GFPT1: variants seen among roughly 807,000 people sequenced by gnomAD.
The protein encoded by GFPT1 is glutamine--fructose-6-phosphate transaminase 1, also known as glutamine--fructose-6-phosphate aminotransferase [isomerizing] 1.
Under a neutral mutation model 92.0 loss-of-function variants are expected in GFPT1, and 40 were observed. The ratio of observed to expected loss-of-function variants is 0.43; its 90% CI spans 0.34 to 0.57. GFPT1 has a LOEUF of 0.57. Among genes scored for constraint, GFPT1 ranks in the 20% least tolerant of loss-of-function variants. The pLI, the probability that GFPT1 is intolerant of heterozygous loss-of-function variation, is 0.02. For synonymous variants in GFPT1, 269 were observed against 280.6 expected (o/e 0.96, Z 0.41); for missense variants, 448 against 869.1 (o/e 0.52, Z 6.09).
chr2:69,359,130 C>G, intron 5 of GFPT1, 138 bp downstream of exon 5: 1 of 661,628 alleles, frequency 1.5e-6, no homozygotes, highest in Admixed American at 2.4e-5. Context: ...TCCAATAAAC[C>G]ACCGTGCCCT....
intron 4 of GFPT1, among the ~76,000 whole-genome samples, chr2:69,361,978 CTAAAA>C (rs1671483249): frequency 6.6e-6 from 1 of 151,726 alleles, no homozygotes; most frequent in Admixed American, 6.6e-5. Flanking sequence ...GACCCTGTCT[CTAAAA>C]TAAAAGGAAA....
At chr2:69,338,179 T>A in intron 14 of GFPT1, 124 bp from the exon 15 acceptor site, 1 of 908,602 alleles carries the variant, frequency 1.1e-6, no homozygotes, top group South Asian at 1.4e-5. Context: ...ATACAAAACA[T>A]CCACTTAATA....
intron 17 of GFPT1, among the ~76,000 whole-genome samples, chr2:69,328,700 C>CTTTT (rs780340372): frequency 5.2e-4 from 52 of 99,946 alleles, no homozygotes; most frequent in Non-Finnish European, 4.6e-4. Context: ...TCTGGTTAAC[C>CTTTT]CTTTTTTTTT....
chr2:69,337,347 G>T (rs546015302), intron 15 of GFPT1, among the ~76,000 whole-genome samples: 2 of 152,282 alleles, frequency 1.3e-5, no homozygotes, highest in South Asian at 4.2e-4. Flanking sequence ...TTACAGGCGT[G>T]AGCCACCATG....
chr2:69,373,999 A>T lies in GFPT1; in HGVS notation c.115+7T>A, dbSNP rs1230729946. The T allele has an allele frequency of 4.7e-6, 6 of 1,274,612 alleles. No individual in the cohort carries two copies. The highest frequency in any genetic ancestry group is 1.5e-5 in the African/African-American group (1 of 68,370). 79.0% of individuals were successfully genotyped at this position (1,274,612 alleles called of 1,614,324 possible). A position where few individuals can be genotyped will look rare whatever the true frequency, so the allele number is the denominator to read the frequency against. ...ATGCAAAATCCATAGTATTTTTTTT[A>T]AAGTACCAGCAGAATCATATCCTCT... On this transcript the variant is annotated splice_region_variant and intron_variant, in intron 2 of 19. Transcript: ENST00000357308.
chr2:69,383,475 C>A (rs1218412873), intron 1 of GFPT1, among the ~76,000 whole-genome samples: 1 of 152,104 alleles, frequency 6.6e-6, no homozygotes, highest in Non-Finnish European at 1.5e-5. Context: ...TCTCAGCATC[C>A]CTCAATTATC....
chr2:69,328,190 C>G lies in GFPT1; in HGVS notation c.1893+81G>C. The G allele has an allele frequency of 2.9e-6, 3 of 1,030,482 alleles. No homozygotes were observed. The Admixed American group carries it at 5.2e-5, about 18-fold the overall frequency. The allele number at this position is 1,030,482 out of a possible 1,614,324, so 63.8% of individuals were successfully genotyped here. A position where few individuals can be genotyped will look rare whatever the true frequency, so the allele number is the denominator to read the frequency against. Reference sequence around the variant, plus strand: ...AAGTAAATGAGTTAACACGTGTAAACATGTTTTGTAAGTCATTCAAATAAG... The same window carrying G: ...AAGTAAATGAGTTAACACGTGTAAAGATGTTTTGTAAGTCATTCAAATAAG... On this transcript the variant is annotated intron_variant, in intron 18 of 19. Transcript: ENST00000357308.
At chr2:69,380,921 T>C (rs1467046663) in intron 1 of GFPT1, among the ~76,000 whole-genome samples, 1 of 152,164 alleles carries the variant, frequency 6.6e-6, no homozygotes, top group Admixed American at 6.5e-5. Flanking sequence ...TACTCTCAAA[T>C]CCTCATTTTC....
At chr2:69,373,850 T>A (rs1447461404) in intron 2 of GFPT1, among the ~76,000 whole-genome samples, 156 bp downstream of exon 2, 1 of 152,172 alleles carries the variant, frequency 6.6e-6, no homozygotes, top group African/African-American at 2.4e-5. Flanking sequence ...TGAGATTACA[T>A]AAATAAATCC....
At position 69,323,391 on chromosome 2, in the gene GFPT1, G is replaced by A. The variant is rs554132224; in HGVS notation, c.*2798C>T. ...TTGGGCATGCTCACTTTAGTGGTGT[G>A]CCTCATTACAATGTCTCTTTTGTGT... On this transcript the variant is annotated 3_prime_UTR_variant, in exon 20 of 20. Transcript: ENST00000357308. 31 of 152,268 alleles carry A rather than the reference G, an allele frequency of 2.0e-4. No homozygotes were observed. Among genetic ancestry groups the A allele is most frequent in the African/African-American group, 7.2e-4 (30 of 41,540 alleles). The allele number at this position is 152,268 out of a possible 1,614,324, so 9.4% of individuals were successfully genotyped here.
intron 3 of GFPT1, among the ~76,000 whole-genome samples, chr2:69,366,375 C>T (rs1050543684): frequency 7.9e-5 from 12 of 152,242 alleles, no homozygotes; most frequent in Non-Finnish European, 1.3e-4. Context: ...GAATCCTTGA[C>T]GCTTCCTTAT....
chr2:69,346,100 T>C, intron 11 of GFPT1, 101 bp from the exon 12 acceptor site: 1 of 745,802 alleles, frequency 1.3e-6, no homozygotes, highest in Non-Finnish European at 2.4e-6. Context: ...GTAAATAAAA[T>C]ATAACAAAAG....
At chr2:69,331,434 C>T (rs1670661454) in intron 15 of GFPT1, among the ~76,000 whole-genome samples, 1 of 152,228 alleles carries the variant, frequency 6.6e-6, no homozygotes, top group East Asian at 1.9e-4. Context: ...ACTTTGAAGT[C>T]TGAAGTTTGC....
intron 11 of GFPT1, among the ~76,000 whole-genome samples, chr2:69,346,593 C>T (rs1388054131): frequency 6.6e-6 from 1 of 152,072 alleles, no homozygotes; most frequent in African/African-American, 2.4e-5. Context: ...TAGTTCTATC[C>T]TTTACTATCT....
intron 6 of GFPT1, 88 bp from the exon 7 acceptor site, chr2:69,356,645 T>A (rs1671345726): frequency 1.1e-6 from 1 of 927,158 alleles, no homozygotes; most frequent in Admixed American, 1.7e-5. Flanking sequence ...CGCAGAAATT[T>A]TTTGTTCACA....
chr2:69,336,378 A>C (rs896093955), intron 15 of GFPT1, among the ~76,000 whole-genome samples: 1 of 151,314 alleles, frequency 6.6e-6, no homozygotes, highest in Non-Finnish European at 1.5e-5. Context: ...AGAAAAGAAG[A>C]ATTTTTATAT....
At chr2:69,365,018 A>AG (rs1423250660) in intron 3 of GFPT1, among the ~76,000 whole-genome samples, 1 of 150,966 alleles carries the variant, frequency 6.6e-6, no homozygotes. Flanking sequence ...AAAAAAAAAA[A>AG]AAGAAGTAGC....
intron 9 of GFPT1, among the ~76,000 whole-genome samples, chr2:69,351,514 T>C (rs780164907): frequency 6.6e-6 from 1 of 152,350 alleles, no homozygotes; most frequent in East Asian, 1.9e-4. Flanking sequence ...TTGATAATTA[T>C]CAGAAATGTG....
chr2:69,360,494 A>C (rs1450969054), intron 4 of GFPT1, among the ~76,000 whole-genome samples: 1 of 150,596 alleles, frequency 6.6e-6, no homozygotes, highest in Non-Finnish European at 1.5e-5. Flanking sequence ...GCTGGAGTAC[A>C]GTGGCTCAAT....
Sources: allele counts gnomAD v4.1 joint callset (sites outside exome capture counted in the v4.1 genomes callset), GRCh38; gene constraint gnomAD v4.1.1; transcripts MANE v1.5; gene names NCBI Gene and HGNC (gene_info 2026-07-23, HGNC 2026-07-21).